Variants in EML6 observed in about 807,000 individuals in gnomAD.
EML6 encodes the protein echinoderm microtubule-associated protein-like 6.
EML6 carries 154 observed loss-of-function variants against 240.1 expected under a neutral mutation model. The observed-to-expected ratio is 0.64, with a 90% CI of 0.56 to 0.73. The LOEUF is 0.73. EML6 is among the 30% of genes least tolerant of loss of function. The pLI is 0.00. For missense variants in EML6, 2,964 were observed against 2,474.6 expected (o/e 1.20, Z -4.20); for synonymous variants, 1,148 against 899.0 (o/e 1.28, Z -4.95).
intron 2 of EML6, among the ~76,000 whole-genome samples, chr2:54,751,748 G>A (rs1046935431): frequency 3.9e-5 from 6 of 152,164 alleles, no homozygotes; most frequent in South Asian, 2.1e-4. Context: ...TTGGTTGACC[G>A]TGCAAGGTTT....
intron 7 of EML6, among the ~76,000 whole-genome samples, chr2:54,832,189 G>T (rs1406005502): frequency 1.3e-5 from 2 of 152,190 alleles, no homozygotes; most frequent in African/African-American, 4.8e-5. Flanking sequence ...TTGAATTACT[G>T]GTAACAACTA....
intron 2 of EML6, among the ~76,000 whole-genome samples, chr2:54,759,621 C>T (rs1469897542): frequency 6.6e-6 from 1 of 151,862 alleles, no homozygotes; most frequent in East Asian, 1.9e-4. Context: ...GAGAGAAAAA[C>T]TTTAAAAACT....
chr2:54,751,943 G>T (rs989656164), intron 2 of EML6, among the ~76,000 whole-genome samples: 11 of 152,128 alleles, frequency 7.2e-5, no homozygotes, highest in Non-Finnish European at 1.5e-4. Context: ...TCCTTTAAGG[G>T]TTTGCATTTT....
chr2:54,817,343 G>A (rs1176261071), intron 4 of EML6, among the ~76,000 whole-genome samples: 2 of 152,190 alleles, frequency 1.3e-5, no homozygotes, highest in East Asian at 3.8e-4. Context: ...TGAAGTCAGT[G>A]TGATCAAAAA....
At chr2:54,965,065 G>T (rs185956724) in intron 38 of EML6, among the ~76,000 whole-genome samples, 1 of 152,102 alleles carries the variant, frequency 6.6e-6, no homozygotes, top group Non-Finnish European at 1.5e-5. Flanking sequence ...GCCTTGTGCC[G>T]CTTCTGGTAT....
chr2:54,801,154 A>C (rs1670117531), intron 2 of EML6, among the ~76,000 whole-genome samples: 2 of 151,906 alleles, frequency 1.3e-5, no homozygotes. Flanking sequence ...CCCCGTCTCT[A>C]CTAAAAATAC....
At chr2:54,944,821 C>T (rs1047616681) in intron 28 of EML6, among the ~76,000 whole-genome samples, 3 of 152,040 alleles carry the variant, frequency 2.0e-5, no homozygotes, top group African/African-American at 7.3e-5. Context: ...GAGTCCAGTT[C>T]TTAGGAATAC....
At chr2:54,770,287 C>T (rs746806303) in intron 2 of EML6, among the ~76,000 whole-genome samples, 1 of 152,186 alleles carries the variant, frequency 6.6e-6, no homozygotes, top group South Asian at 2.1e-4. Context: ...AATAATTACA[C>T]TGGGACAACA....
intron 7 of EML6, among the ~76,000 whole-genome samples, chr2:54,838,284 C>T (rs1432800873): frequency 1.3e-5 from 2 of 152,080 alleles, no homozygotes; most frequent in South Asian, 2.1e-4. Context: ...GCACAAAACC[C>T]GCGGGTTAAA....
chr2:54,734,957 G>A (rs1683329669), intron 2 of EML6, among the ~76,000 whole-genome samples: 1 of 152,248 alleles, frequency 6.6e-6, no homozygotes, highest in South Asian at 2.1e-4. Context: ...TTCTCTTCCA[G>A]CCTGATGTCC....
intron 38 of EML6, among the ~76,000 whole-genome samples, chr2:54,966,463 G>T (rs1363046366): frequency 6.6e-6 from 1 of 152,206 alleles, no homozygotes; most frequent in Non-Finnish European, 1.5e-5. Context: ...AAAATGGTCT[G>T]TTTCCTTTAG....
chr2:54,846,515 G>T (rs557545248), intron 8 of EML6, among the ~76,000 whole-genome samples: 119 of 146,522 alleles, frequency 8.1e-4, no homozygotes, highest in East Asian at 4.8e-3. Flanking sequence ...ACAGGGCCTT[G>T]CTCTGTTTCC....
Position 54,828,706 on chromosome 2 carries a change from A to C in EML6, c.712-636A>C, listed in dbSNP as rs572711141. ...TCTTAGTAACCTAATTTCTTTTTAT[A>C]CTGGATCTTATGTCAACATTATATT... On this transcript the variant is annotated intron_variant, in intron 6 of 41. Transcript: ENST00000356458. Among the ~76,000 whole-genome samples, 4 of 152,354 alleles carry C rather than the reference A, an allele frequency of 2.6e-5. No homozygotes were observed. The South Asian group carries it at 8.3e-4, about 32-fold the overall frequency.
At chr2:54,960,173 T>A (rs1382388829) in intron 34 of EML6, 47 bp from the exon 35 acceptor site, 1 of 1,361,764 alleles carries the variant, frequency 7.3e-7, no homozygotes, top group East Asian at 2.5e-5. Flanking sequence ...GGGTAGTGGG[T>A]CTTAGGATGA....
chr2:54,738,222 C>T (rs1683482040), intron 2 of EML6, among the ~76,000 whole-genome samples: 1 of 152,230 alleles, frequency 6.6e-6, no homozygotes, highest in Middle Eastern at 3.4e-3. Flanking sequence ...ATAATGGAGC[C>T]TGGCATGTAG....
In EML6 at chr2:54,836,273, G is replaced by C. The variant is rs371413831; in HGVS notation, c.847+6796G>C. ...CTTAGCCAGCCTTATGTAAAAGCTA[G>C]CCTGGGTGGGTTTCCTCCCTGGGTG... On this transcript the variant is annotated intron_variant, in intron 7 of 41. Transcript: ENST00000356458. Among the ~76,000 whole-genome samples the C allele has an allele frequency of 2.3e-3, 344 of 152,316 alleles. 14 individuals carry two copies. In the South Asian group the frequency reaches 0.066, roughly 29 times the overall value.
chr2:54,743,956 C>G (rs1683780550), intron 2 of EML6, among the ~76,000 whole-genome samples: 1 of 151,940 alleles, frequency 6.6e-6, no homozygotes, highest in Admixed American at 6.6e-5. Flanking sequence ...TTGGAAGAAC[C>G]CATTCTGGAA....
At chr2:54,954,639 G>A (rs1676148538) in intron 32 of EML6, among the ~76,000 whole-genome samples, 1 of 151,950 alleles carries the variant, frequency 6.6e-6, no homozygotes, top group East Asian at 1.9e-4. Flanking sequence ...TTTGAAATAG[G>A]GATTTATCTT....
At chr2:54,788,515 G>A (rs1432148934) in intron 2 of EML6, among the ~76,000 whole-genome samples, 1 of 152,148 alleles carries the variant, frequency 6.6e-6, no homozygotes, top group Non-Finnish European at 1.5e-5. Flanking sequence ...TAAACATCTG[G>A]GGCCGCCCCC....
Sources: allele counts gnomAD v4.1 joint callset (sites outside exome capture counted in the v4.1 genomes callset), GRCh38; gene constraint gnomAD v4.1.1; transcripts MANE v1.5; gene names NCBI Gene and HGNC (gene_info 2026-07-23, HGNC 2026-07-21).